The following HIVEP3 variants were observed in gnomAD, a reference collection of about 807,000 sequenced individuals.
HIVEP3 encodes transcription factor HIVEP3.
A neutral mutation model predicts 152.8 loss-of-function variants in HIVEP3; 49 were observed. The observed-to-expected ratio is 0.32, with a 90% confidence interval of 0.26 to 0.41. HIVEP3 has a LOEUF of 0.41. HIVEP3 is among the 10% of genes least tolerant of loss of function. HIVEP3 has a pLI of 1.00. For missense variants in HIVEP3, 2,790 were observed against 3,103.3 expected (o/e 0.90, Z 2.40); for synonymous variants, 1,269 against 1,289.0 (o/e 0.98, Z 0.33).
chr1:41,959,818 G>A lies in HIVEP3; in HGVS notation n.120-41294C>T, dbSNP rs146096881. The stretch of plus-strand genomic sequence containing the variant: ...AGAGATGTGTCCACCAAGGAACACA[G>A]TTTTTGCTAAAATTAAGTTATAGCT... On this transcript the variant is annotated intron_variant and non_coding_transcript_variant, in intron 1 of 3. Transcript: ENST00000489103. 4.2e-3 allele frequency among the ~76,000 whole-genome samples: 643 copies of A among 152,274 alleles called. 2 individuals are homozygous for A. The highest frequency in any genetic ancestry group is 7.8e-3 in the Non-Finnish European group (529 of 68,024).
At chr1:41,627,807 T>C (rs56179551) in intron 3 of HIVEP3, among the ~76,000 whole-genome samples, 29 of 152,198 alleles carry the variant, frequency 1.9e-4, no homozygotes, top group African/African-American at 6.7e-4. Flanking sequence ...TCAATGTAGA[T>C]TCCTGGGTCC....
intron 1 of HIVEP3, among the ~76,000 whole-genome samples, chr1:41,713,840 T>G (rs924215143): frequency 1.3e-5 from 2 of 152,220 alleles, no homozygotes; most frequent in African/African-American, 4.8e-5. Context: ...GAGTGGGTGA[T>G]GAGCAAGCCT....
At chr1:41,640,010 A>T (rs1645348022) in intron 2 of HIVEP3, among the ~76,000 whole-genome samples, 1 of 152,196 alleles carries the variant, frequency 6.6e-6, no homozygotes, top group African/African-American at 2.4e-5. Flanking sequence ...AGGAGCAAAA[A>T]AGAAGAACTT....
At chr1:41,926,995 C>G (rs1460337700) in intron 1 of HIVEP3, among the ~76,000 whole-genome samples, 1 of 152,150 alleles carries the variant, frequency 6.6e-6, no homozygotes, top group African/African-American at 2.4e-5. Flanking sequence ...GCTCAGCTAC[C>G]AGCTCCTGGA....
intron 2 of HIVEP3, among the ~76,000 whole-genome samples, chr1:41,695,996 A>G (rs1646268187): frequency 6.6e-6 from 1 of 152,146 alleles, no homozygotes; most frequent in Non-Finnish European, 1.5e-5. Flanking sequence ...CCTCCAGCAA[A>G]TGACTTCCCC....
chr1:42,034,658 C>T (rs1645630979), intron 1 of HIVEP3, among the ~76,000 whole-genome samples: 1 of 152,084 alleles, frequency 6.6e-6, no homozygotes, highest in Admixed American at 6.5e-5. Context: ...TGGATACAGC[C>T]CTACTGGGAA....
At chr1:41,860,492 T>C (rs1167652891) in intron 1 of HIVEP3, among the ~76,000 whole-genome samples, 1 of 152,196 alleles carries the variant, frequency 6.6e-6, no homozygotes, top group Non-Finnish European at 1.5e-5. Flanking sequence ...ACATAGCAAT[T>C]TTCTCCTGAG....
At chr1:41,903,951 G>A (rs942689721) in intron 1 of HIVEP3, among the ~76,000 whole-genome samples, 1 of 148,556 alleles carries the variant, frequency 6.7e-6, no homozygotes, top group Non-Finnish European at 1.5e-5. Context: ...CCAGGCTAGA[G>A]TGCAGTGATA....
chr1:41,879,782 A>G (rs1644232260), intron 1 of HIVEP3, among the ~76,000 whole-genome samples: 6 of 152,196 alleles, frequency 3.9e-5, no homozygotes, highest in Admixed American at 3.3e-4. Context: ...CCTCTTCTAT[A>G]CCTTGCATTG....
chr1:41,729,621 A>C (rs1055562681), intron 1 of HIVEP3, among the ~76,000 whole-genome samples: 1 of 152,200 alleles, frequency 6.6e-6, no homozygotes, highest in African/African-American at 2.4e-5. Context: ...ATTTTACAGA[A>C]GGAGAAAGTG....
intron 1 of HIVEP3, among the ~76,000 whole-genome samples, chr1:41,777,914 T>C (rs1490711907): frequency 6.6e-6 from 1 of 152,234 alleles, no homozygotes; most frequent in East Asian, 1.9e-4. Context: ...ATGCATCAGA[T>C]TACCGCGTGC....
intron 1 of HIVEP3, among the ~76,000 whole-genome samples, chr1:41,805,459 T>C (rs763784289): frequency 3.3e-5 from 5 of 152,200 alleles, no homozygotes; most frequent in Non-Finnish European, 7.3e-5. Context: ...TGCCCTTCCA[T>C]GGAATGAGGA....
At chr1:41,959,048 G>C (rs1645155583) in intron 1 of HIVEP3, among the ~76,000 whole-genome samples, 1 of 152,128 alleles carries the variant, frequency 6.6e-6, no homozygotes, top group Non-Finnish European at 1.5e-5. Flanking sequence ...GGCTATCCAG[G>C]GCTTATGCAA....
chr1:42,035,391 C>A (rs1389758184), intron 1 of HIVEP3, among the ~76,000 whole-genome samples: 7 of 152,358 alleles, frequency 4.6e-5, no homozygotes, highest in Middle Eastern at 3.4e-3. Context: ...GTCTCCGTCT[C>A]CCCGCATCTC....
chr1:41,855,629 A>G (rs1201933788), intron 1 of HIVEP3, among the ~76,000 whole-genome samples: 1 of 152,200 alleles, frequency 6.6e-6, no homozygotes, highest in Non-Finnish European at 1.5e-5. Flanking sequence ...GAAGTCAAAA[A>G]TCGATCTTTT....
Position 41,914,469 on chromosome 1 carries a change from C to T in HIVEP3, c.-801+3944G>A, listed in dbSNP as rs572875799. On this transcript the variant is annotated intron_variant, in intron 1 of 8. Transcript: ENST00000372583. The stretch of plus-strand genomic sequence containing the variant: ...GAAACTGAGAAATACTCTTCCATGA[C>T]TTTTAGTTAGGTCCTCACGTTTTCC... Among the ~76,000 whole-genome samples, 15 of 152,300 alleles carry T rather than the reference C, an allele frequency of 9.8e-5. 1 individual carries two copies. The South Asian group carries it at 1.0e-3, about 11-fold the overall frequency.
At chr1:41,765,876 G>A (rs2124254841) in intron 1 of HIVEP3, among the ~76,000 whole-genome samples, 1 of 152,302 alleles carries the variant, frequency 6.6e-6, no homozygotes, top group East Asian at 1.9e-4. Flanking sequence ...TCATGTTGTG[G>A]CCTCTCTTTG....
chr1:41,527,203 C>G (rs1230164600), intron 5 of HIVEP3, among the ~76,000 whole-genome samples: 1 of 126,846 alleles, frequency 7.9e-6, no homozygotes, highest in East Asian at 2.3e-4. Context: ...CCCACTCCCA[C>G]ACATGCTCAC....
intron 1 of HIVEP3, among the ~76,000 whole-genome samples, chr1:41,764,181 G>GA (rs899331099): frequency 3.9e-4 from 59 of 151,818 alleles, no homozygotes; most frequent in South Asian, 2.1e-3. Context: ...GCACAAAACT[G>GA]AAAAAAAATG....
Sources: gnomAD v4.1 joint callset for allele counts (sites outside exome capture counted in the v4.1 genomes callset) on GRCh38, gnomAD v4.1.1 for gene constraint, MANE v1.5 for transcripts, NCBI Gene and HGNC (gene_info 2026-07-23, HGNC 2026-07-21) for gene names.